The following OPCML variants were observed in gnomAD, a reference collection of about 807,000 sequenced individuals.
The protein encoded by OPCML is opioid-binding protein/cell adhesion molecule.
A neutral mutation model predicts 37.8 loss-of-function variants in OPCML; 13 were observed. The ratio of observed to expected loss-of-function variants is 0.34; its 90% confidence interval spans 0.22 to 0.55. OPCML has a LOEUF of 0.55. Ranked by LOEUF, OPCML falls within the 20% of genes least tolerant of loss-of-function variation. OPCML has a pLI of 0.91. For missense variants in OPCML, 341 were observed against 435.6 expected (o/e 0.78, Z 1.93); for synonymous variants, 176 against 168.8 (o/e 1.04, Z -0.33).
At chr11:132,938,030 C>T (rs570315701) in intron 2 of OPCML, among the ~76,000 whole-genome samples, 50 of 151,768 alleles carry the variant, frequency 3.3e-4, no homozygotes, top group African/African-American at 6.8e-4. Context: ...CCTCCAAGAC[C>T]GCTAACCAAC....
intron 1 of OPCML, among the ~76,000 whole-genome samples, chr11:133,451,390 G>A (rs1256402606): frequency 6.6e-6 from 1 of 151,758 alleles, no homozygotes; most frequent in Non-Finnish European, 1.5e-5. Context: ...GCCCCAATGA[G>A]CATGAAGTGG....
intron 2 of OPCML, among the ~76,000 whole-genome samples, chr11:132,858,891 A>G (rs11223251): frequency 0.073 from 11,176 of 152,274 alleles, 514 homozygotes; most frequent in East Asian, 0.16. Flanking sequence ...CAGAAATGCA[A>G]AAGATCTAAG....
At chr11:132,863,190 G>A (rs1363135906) in intron 2 of OPCML, among the ~76,000 whole-genome samples, 3 of 152,164 alleles carry the variant, frequency 2.0e-5, no homozygotes, top group Non-Finnish European at 2.9e-5. Flanking sequence ...TGGCTCGGCC[G>A]AGGATGTGTT....
At chr11:132,875,126 AT>A (rs1271116653) in intron 2 of OPCML, among the ~76,000 whole-genome samples, 1 of 152,216 alleles carries the variant, frequency 6.6e-6, no homozygotes, top group African/African-American at 2.4e-5. Flanking sequence ...AAACTTAACC[AT>A]TTTTTAAAAA....
intron 2 of OPCML, among the ~76,000 whole-genome samples, chr11:132,848,515 T>C (rs1284755966): frequency 1.3e-5 from 2 of 152,224 alleles, no homozygotes; most frequent in Non-Finnish European, 2.9e-5. Flanking sequence ...CTATGTGTGC[T>C]TGGGCTCTGA....
rs1011146430 is a variant in OPCML, at chr11:132,419,241, G to T, written c.*952C>A. On this transcript the variant is annotated 3_prime_UTR_variant, in exon 8 of 8. Transcript: ENST00000524381. ...GAATTGATAGTGAGTAGTAGGGAGA[G>T]AATAGAAAGGAGTGTTAGACAATTA... 3 of 152,208 alleles carry T rather than the reference G, an allele frequency of 2.0e-5. No individual in the cohort carries two copies. Among genetic ancestry groups the T allele is most frequent in the African/African-American group, 7.2e-5 (3 of 41,448 alleles). The allele number at this position is 152,208 out of a possible 1,614,324, so 9.4% of individuals were successfully genotyped here.
rs188051337 is a variant in OPCML at position 132,967,325 on chromosome 11, T to C, written c.62-24315A>G. On this transcript the variant is annotated intron_variant, in intron 1 of 7. Transcript: ENST00000524381. ...CCCTTTTCCCACATTTTGTTTCTTA[T>C]ACATATTACAACTGTATTGTTACAA... Among the ~76,000 whole-genome samples the C allele has an allele frequency of 2.7e-3, 409 of 152,216 alleles. 2 individuals carry two copies. The highest frequency in any genetic ancestry group is 9.7e-3 in the African/African-American group (402 of 41,574).
At chr11:133,331,919 T>C (rs955975079) in intron 1 of OPCML, among the ~76,000 whole-genome samples, 2 of 152,144 alleles carry the variant, frequency 1.3e-5, no homozygotes, top group Admixed American at 6.5e-5. Context: ...ATTTGGGCTC[T>C]TTTTTGGTTC....
At chr11:133,107,263 G>A (rs886326013) in intron 1 of OPCML, among the ~76,000 whole-genome samples, 21 of 152,166 alleles carry the variant, frequency 1.4e-4, no homozygotes, top group Non-Finnish European at 2.6e-4. Flanking sequence ...AAGGACTGAA[G>A]ACTTCTGTTT....
At chr11:132,877,103 C>A (rs1405336443) in intron 2 of OPCML, among the ~76,000 whole-genome samples, 1 of 152,064 alleles carries the variant, frequency 6.6e-6, no homozygotes, top group Admixed American at 6.6e-5. Context: ...AGGCCACAGT[C>A]GCCATTTAAA....
intron 1 of OPCML, among the ~76,000 whole-genome samples, chr11:133,034,308 GGT>G (rs71038514): frequency 8.4e-4 from 120 of 143,520 alleles, no homozygotes; most frequent in East Asian, 4.1e-3. Flanking sequence ...TGTATGTATA[GGT>G]GTGTGTGTGT....
intron 3 of OPCML, among the ~76,000 whole-genome samples, chr11:132,576,845 G>A (rs1242827281): frequency 1.3e-5 from 2 of 152,064 alleles, no homozygotes; most frequent in Non-Finnish European, 2.9e-5. Flanking sequence ...CTGTCTGCTT[G>A]CTCTGTGGGT....
rs554811237 is a variant in OPCML at position 132,715,299 on chromosome 11, C to T, written c.147-57980G>A. Among the ~76,000 whole-genome samples, 27 of 152,336 alleles carry T rather than the reference C, an allele frequency of 1.8e-4. 1 individual carries two copies. The Middle Eastern group carries it at 0.014, about 77-fold the overall frequency. ...TATGTACCAAGTGTCATATTAAATGCTACAGATATACAGATGAGTAATGCA... is the reference window on the plus strand; with the variant it reads ...TATGTACCAAGTGTCATATTAAATGTTACAGATATACAGATGAGTAATGCA... On this transcript the variant is annotated intron_variant, in intron 2 of 7. Transcript: ENST00000524381.
intron 1 of OPCML, among the ~76,000 whole-genome samples, chr11:132,954,407 GGAAAA>G (rs530060470): frequency 4.7e-4 from 69 of 145,654 alleles, no homozygotes; most frequent in South Asian, 2.0e-3. Context: ...ACCCCTCAAA[GGAAAA>G]GTTCACTTTT....
chr11:132,535,169 C>T (rs181790457), intron 3 of OPCML, among the ~76,000 whole-genome samples: 54 of 151,724 alleles, frequency 3.6e-4, no homozygotes, highest in African/African-American at 1.3e-3. Flanking sequence ...AACACTCTAG[C>T]TACCAGAGTA....
intron 1 of OPCML, among the ~76,000 whole-genome samples, chr11:133,522,293 T>C (rs557199189): frequency 6.6e-6 from 1 of 152,334 alleles, no homozygotes; most frequent in East Asian, 1.9e-4. Flanking sequence ...GTAGTGATGA[T>C]AAAATCAGGT....
At chr11:132,604,970 T>G (rs1938181383) in intron 3 of OPCML, among the ~76,000 whole-genome samples, 1 of 152,088 alleles carries the variant, frequency 6.6e-6, no homozygotes, top group South Asian at 2.1e-4. Context: ...AGTATACCCA[T>G]TATAAGAAAT....
intron 2 of OPCML, among the ~76,000 whole-genome samples, chr11:132,800,269 C>A (rs1472978370): frequency 6.6e-6 from 1 of 152,178 alleles, no homozygotes; most frequent in Non-Finnish European, 1.5e-5. Context: ...TATCCTGCAA[C>A]CTTGCTTAAC....
intron 2 of OPCML, among the ~76,000 whole-genome samples, chr11:132,775,291 G>T (rs566382527): frequency 1.7e-3 from 261 of 152,242 alleles, no homozygotes; most frequent in Non-Finnish European, 2.6e-3. Context: ...GACACTGAAG[G>T]TTTGCTTGCT....
Sources: gnomAD v4.1 joint callset for allele counts (sites outside exome capture counted in the v4.1 genomes callset) on GRCh38, gnomAD v4.1.1 for gene constraint, MANE v1.5 for transcripts, NCBI Gene and HGNC (gene_info 2026-07-23, HGNC 2026-07-21) for gene names.